PRPF18: variants seen among roughly 807,000 people sequenced by gnomAD.
The protein encoded by PRPF18 is pre-mRNA-splicing factor 18.
A neutral mutation model predicts 46.5 loss-of-function variants in PRPF18; 38 were observed. The observed-to-expected ratio is 0.82, with a 90% CI of 0.63 to 1.07. The LOEUF (loss-of-function observed/expected upper bound fraction) is 1.07. Among genes scored for constraint, PRPF18 ranks in the 50% least tolerant of loss-of-function variants. PRPF18 has a pLI of 0.00. For missense variants in PRPF18, 263 were observed against 410.0 expected, an observed-to-expected ratio of 0.64 and a Z score of 3.10; for synonymous variants, 152 against 146.7, an observed-to-expected ratio of 1.04 and a Z score of -0.26.
the PRPF18 span, chr10:13,654,527 T>C: frequency 6.4e-7 from 1 of 1,560,814 alleles, no homozygotes; most frequent in Non-Finnish European, 8.8e-7. Context: ...ATGCAGGTGG[T>C]GCAAGAAAGG....
At chr10:13,595,601 G>T (rs2080023462) in intron 1 of PRPF18, among the ~76,000 whole-genome samples, 1 of 152,198 alleles carries the variant, frequency 6.6e-6, no homozygotes, top group African/African-American at 2.4e-5. Context: ...TTCTTCCTGA[G>T]TTCTGGGAAT....
At chr10:13,606,581 A>G (rs995707834) in intron 4 of PRPF18, among the ~76,000 whole-genome samples, 2 of 152,076 alleles carry the variant, frequency 1.3e-5, no homozygotes, top group Non-Finnish European at 2.9e-5. Flanking sequence ...CTAAAAATAC[A>G]AAAATTAGCT....
intron 2 of PRPF18, among the ~76,000 whole-genome samples, chr10:13,599,700 G>A (rs981458149): frequency 3.9e-5 from 6 of 152,158 alleles, no homozygotes; most frequent in Non-Finnish European, 5.9e-5. Flanking sequence ...CCAACTCTTC[G>A]TAGCATTAGG....
chr10:13,600,071 G>A (rs562063240), intron 2 of PRPF18, among the ~76,000 whole-genome samples, 173 bp from the exon 3 acceptor site: 5 of 152,268 alleles, frequency 3.3e-5, no homozygotes, highest in Non-Finnish European at 4.4e-5. Flanking sequence ...ACGTGAATAC[G>A]TTTGACTCTC....
At chr10:13,613,394 C>G (rs1425996844) in intron 6 of PRPF18, among the ~76,000 whole-genome samples, 1 of 151,734 alleles carries the variant, frequency 6.6e-6, no homozygotes, top group Non-Finnish European at 1.5e-5. Flanking sequence ...TTTCTTGTAA[C>G]TCGTAACTTG....
intron 6 of PRPF18, among the ~76,000 whole-genome samples, chr10:13,611,992 G>A (rs1423729231): frequency 1.3e-5 from 2 of 151,026 alleles, no homozygotes; most frequent in African/African-American, 4.9e-5. Flanking sequence ...TGATTCTCCT[G>A]CCTCAGCCTC....
chr10:13,633,461 C>T (rs1032102510), downstream of PRPF18, among the ~76,000 whole-genome samples: 13 of 152,074 alleles, frequency 8.5e-5, no homozygotes, highest in African/African-American at 2.2e-4. Flanking sequence ...ATAATGTATC[C>T]GGAAAGAAAG....
At chr10:13,623,251 G>A (rs534766569) in intron 9 of PRPF18, among the ~76,000 whole-genome samples, 5 of 152,144 alleles carry the variant, frequency 3.3e-5, no homozygotes, top group South Asian at 4.1e-4. Flanking sequence ...AAGTATTGGC[G>A]TTTTAATGCA....
At chr10:13,625,059 C>T (rs370921889) in intron 9 of PRPF18, among the ~76,000 whole-genome samples, 3 of 152,120 alleles carry the variant, frequency 2.0e-5, no homozygotes, top group African/African-American at 7.2e-5. Flanking sequence ...AGAGGCCAAG[C>T]GTGGTGGCTC....
At chr10:13,626,764 AG>A (rs1419023015) in intron 9 of PRPF18, among the ~76,000 whole-genome samples, 3 of 151,806 alleles carry the variant, frequency 2.0e-5, no homozygotes, top group African/African-American at 7.3e-5. Flanking sequence ...GGAAAGAGTG[AG>A]GTAGAGGACT....
rs1415201809 is a variant in PRPF18 at position 13,630,283 on chromosome 10, T to G, written c.972T>G (p.Ile324Met). ...AGGGATTGAAGAGGTTAATGACCATTTGCCAGAAACACTTTCCTACAGACC... is the reference window on the plus strand; with the variant it reads ...AGGGATTGAAGAGGTTAATGACCATGTGCCAGAAACACTTTCCTACAGACC... ...YIQGLKRLMT[I>M]CQKHFPTDPS... The change falls in exon 10 of 10, where the codon ATT becomes ATG. Residue 324 changes from isoleucine (I) to methionine (M), a missense_variant. By Grantham distance (10) the Ile-to-Met change is conservative (BLOSUM62 1). Transcript: ENST00000378572. The G allele has an allele frequency of 6.2e-7, 1 of 1,612,162 alleles. No individual in the cohort carries two copies. The highest frequency in any genetic ancestry group is 1.7e-5 in the Admixed American group (1 of 60,026).
intron 1 of PRPF18, chr10:13,592,429 TTGTC>T (rs1331210498): frequency 1.9e-5 from 4 of 211,322 alleles, no homozygotes; most frequent in African/African-American, 9.5e-5. Context: ...TGGAAAACAG[TTGTC>T]TGTGTGGTGT....
the PRPF18 span, chr10:13,645,708 ATCTT>A: frequency 1.3e-5 from 2 of 152,492 alleles, no homozygotes; most frequent in South Asian, 4.1e-4. Context: ...CACGAGTCAA[ATCTT>A]TCTACCTAAG....
chr10:13,608,534 G>C (rs2080223389), intron 4 of PRPF18, among the ~76,000 whole-genome samples: 1 of 152,144 alleles, frequency 6.6e-6, no homozygotes, highest in African/African-American at 2.4e-5. Context: ...TCCTTTGCTT[G>C]CTGTGTTTCT....
the PRPF18 span, chr10:13,648,731 C>G: frequency 1.3e-5 from 2 of 152,202 alleles, no homozygotes; most frequent in African/African-American, 4.8e-5. Context: ...GCTTGTTGAA[C>G]TGAGTTTTTC....
At chr10:13,613,151 G>C (rs1361883540) in intron 6 of PRPF18, among the ~76,000 whole-genome samples, 1 of 152,052 alleles carries the variant, frequency 6.6e-6, no homozygotes, top group Non-Finnish European at 1.5e-5. Context: ...GATGCCCCTA[G>C]AGGACAACAT....
At chr10:13,614,207 G>T in intron 8 of PRPF18, 121 bp downstream of exon 8, 1 of 772,158 alleles carries the variant, frequency 1.3e-6, no homozygotes, top group Non-Finnish European at 2.0e-6. Context: ...TGTGAGATGA[G>T]TTAGTAGTAA....
chr10:13,621,839 A>G (rs774691931), intron 9 of PRPF18, among the ~76,000 whole-genome samples: 10 of 152,242 alleles, frequency 6.6e-5, no homozygotes, highest in Non-Finnish European at 1.2e-4. Context: ...TAAGTTTCCT[A>G]GTAAAGACAT....
At chr10:13,592,416 A>G in intron 1 of PRPF18, 1 of 215,236 alleles carries the variant, frequency 4.6e-6, no homozygotes, top group Non-Finnish European at 9.2e-6. Context: ...CCGCATCTGT[A>G]GCTGGAAAAC....
Sources: gnomAD v4.1 joint callset for allele counts (sites outside exome capture counted in the v4.1 genomes callset) on GRCh38, gnomAD v4.1.1 for gene constraint, MANE v1.5 for transcripts, NCBI Gene and HGNC (gene_info 2026-07-23, HGNC 2026-07-21) for gene names.